The following POLR3E variants were observed in gnomAD, a reference collection of about 807,000 sequenced individuals.
POLR3E encodes the protein RNA polymerase III subunit E.
Under a neutral mutation model 96.6 loss-of-function variants are expected in POLR3E, and 41 were observed. The observed-to-expected ratio is 0.42, with a 90% CI of 0.33 to 0.55. The LOEUF is 0.55. Among genes scored for constraint, POLR3E ranks in the 20% least tolerant of loss-of-function variants. The pLI is 0.06. For missense variants in POLR3E, 849 were observed against 952.1 expected (o/e 0.89, Z 1.43); for synonymous variants, 396 against 383.6 (o/e 1.03, Z -0.38).
chr16:22,332,069 G>C lies in POLR3E; in HGVS notation c.1954G>C (p.Val652Leu). 6.2e-7 allele frequency: 1 copy of C among 1,613,496 alleles called. No individual in the cohort carries two copies. Among genetic ancestry groups the C allele is most frequent in the African/African-American group, 1.3e-5 (1 of 74,954 alleles). The part of the protein sequence containing the change: ...SGDMSDQHRQ[V>L]LLEIFSKNYR... ...GTTTTTGCTACTAAAGCATCGACAG[G>C]TTTTGCTTGAAATTTTTTCCAAAAA... is the stretch of plus-strand genomic sequence containing the variant. Residue 652 changes from valine to leucine, a missense_variant, in exon 20 of 21, where the codon GTT (valine) becomes CTT (leucine). Physicochemically the swap from Val to Leu is conservative, Grantham distance 32. Coordinates refer to ENST00000299853, the MANE Select transcript of POLR3E (RefSeq NM_018119.4).
At chr16:22,308,344 C>A in intron 4 of POLR3E, 119 bp downstream of exon 4, 1 of 792,626 alleles carries the variant, frequency 1.3e-6, no homozygotes, top group Non-Finnish European at 2.2e-6. Flanking sequence ...CAGCAACTCC[C>A]AGGCCCTTGA....
rs1459472307 is a variant in POLR3E at position 22,333,990 on chromosome 16, AG to A, written c.*291del. 1.6e-4 allele frequency: 57 copies of A among 365,512 alleles called. No homozygotes were observed. The highest frequency in any genetic ancestry group is 9.4e-4 in the African/African-American group (46 of 49,156). 22.6% of individuals were successfully genotyped at this position (365,512 alleles called of 1,614,324 possible). A position where few individuals can be genotyped will look rare whatever the true frequency, so the allele number is the denominator to read the frequency against. ...TTATTTGGTTTCATTCTCATAATAA[AG>A]AGAGTGTATACTGACATGGGCAGGA... is the stretch of plus-strand genomic sequence containing the variant. On this transcript the variant is annotated 3_prime_UTR_variant, in exon 21 of 21. Transcript: ENST00000299853.
rs369918633 is a variant in POLR3E at position 22,314,128 on chromosome 16, G to A, written c.522G>A (p.Thr174=). 3.7e-6 allele frequency: 6 copies of A among 1,613,530 alleles called. No individual in the cohort carries two copies. The highest frequency in any genetic ancestry group is 4.2e-6 in the Non-Finnish European group (5 of 1,179,580). ...DEAEDDVKQI[T]VRFSRPESEQ... is the part of the protein sequence containing the mutation. ...CGGAAGACGATGTTAAGCAGATCAC[G>A]GTGAGCCCTGGCCCCTGGAGGAGGA... Residue 174 remains threonine (T), a splice_region_variant and synonymous_variant, in exon 8 of 21, where the codon ACG becomes ACA. Coordinates refer to ENST00000299853, the MANE Select transcript of POLR3E (RefSeq NM_018119.4).
At chr16:22,311,702 C>G (rs2048250764) in intron 6 of POLR3E, among the ~76,000 whole-genome samples, 1 of 151,462 alleles carries the variant, frequency 6.6e-6, no homozygotes, top group Non-Finnish European at 1.5e-5. Flanking sequence ...TGCTATGTTG[C>G]CCAGGCTGGT....
intron 5 of POLR3E, 107 bp from the exon 6 acceptor site, chr16:22,309,321 C>A: frequency 1.1e-6 from 1 of 910,678 alleles, no homozygotes; most frequent in South Asian, 1.3e-5. Flanking sequence ...GCCTTGGTCC[C>A]TGGCTGTGGC....
chr16:22,316,456 G>A (rs765381567), intron 9 of POLR3E, 145 bp from the exon 10 acceptor site: 131 of 636,276 alleles, frequency 2.1e-4, no homozygotes, highest in Non-Finnish European at 3.2e-4. Context: ...CTGAGGCCAC[G>A]TCAGAGGCCT....
rs374950155 is a variant in POLR3E at position 22,306,415 on chromosome 16, C to T, written c.87+1209C>T. ...GGACTACAGGCACGCGCCACAAGCC[C>T]GGCTAATTTTTGTATTTTTAGTAGA... On this transcript the variant is annotated intron_variant, in intron 3 of 20. Coordinates refer to ENST00000299853, the MANE Select transcript of POLR3E (RefSeq NM_018119.4). Among the ~76,000 whole-genome samples the T allele has an allele frequency of 1.2e-4, 18 of 152,098 alleles. No individual in the cohort carries two copies. In the East Asian group the frequency reaches 1.5e-3, roughly 13 times the overall value.
chr16:22,330,930 T>G (rs142956368), intron 19 of POLR3E, among the ~76,000 whole-genome samples: 203 of 144,814 alleles, frequency 1.4e-3, no homozygotes, highest in African/African-American at 4.7e-3. Context: ...TTTTACGTGA[T>G]CAAATGATTT....
At chr16:22,317,358 G>A (rs944785022) in intron 12 of POLR3E, 152 bp downstream of exon 12, 24 of 643,550 alleles carry the variant, frequency 3.7e-5, no homozygotes, top group Non-Finnish European at 6.2e-5. Context: ...TGTCTGGAAA[G>A]ATAACGCAGG....
At chr16:22,309,398 C>T in intron 5 of POLR3E, 30 bp from the exon 6 acceptor site, 1 of 1,549,476 alleles carries the variant, frequency 6.5e-7, no homozygotes, top group Non-Finnish European at 8.9e-7. Context: ...GCTGCCTTCC[C>T]CTGTGACGTT....
At chr16:22,302,842 C>A in intron 1 of POLR3E, 89 bp from the exon 2 acceptor site, 2 of 882,752 alleles carry the variant, frequency 2.3e-6, no homozygotes, top group South Asian at 1.4e-5. Flanking sequence ...TGTGGGCTCC[C>A]CCTCCCAGTG....
chr16:22,304,891 C>G (rs1044467279), intron 2 of POLR3E, among the ~76,000 whole-genome samples: 1 of 152,118 alleles, frequency 6.6e-6, no homozygotes, highest in African/African-American at 2.4e-5. Flanking sequence ...AAGATGTGTG[C>G]TTACTGGGGG....
chr16:22,311,272 T>TTC (rs2141755915), intron 6 of POLR3E, among the ~76,000 whole-genome samples: 1 of 139,578 alleles, frequency 7.2e-6, no homozygotes, highest in Non-Finnish European at 1.5e-5. Flanking sequence ...CCCAGCCTTT[T>TTC]TTTTTTTTTT....
Position 22,334,710 on chromosome 16 carries a change from C to G in POLR3E, c.*1010C>G, listed in dbSNP as rs2048814238. 1 of 151,790 alleles carries G rather than the reference C, an allele frequency of 6.6e-6. No homozygotes were observed. The highest frequency in any genetic ancestry group is 2.1e-4 in the South Asian group (1 of 4,810). The allele number at this position is 151,790 out of a possible 1,614,324, so 9.4% of individuals were successfully genotyped here. ...CTGGCATTTTACACTTTCCTCAACA[C>G]TCAGTTTGGACTAGCCACATCATAA... On this transcript the variant is annotated 3_prime_UTR_variant, in exon 21 of 21. Transcript: ENST00000299853.
rs1208552821 is a variant in POLR3E at position 22,325,257 on chromosome 16, G to A, written c.1339G>A (p.Ala447Thr). 6.2e-7 allele frequency: 1 copy of A among 1,613,482 alleles called. No homozygotes were observed. The highest frequency in any genetic ancestry group is 2.2e-5 in the East Asian group (1 of 44,884). The part of the protein sequence containing the change: ...VKETMPKKPD[A>T]QSGPAGLVCG... ...GGAAACCATGCCAAAGAAGCCGGATGCACAATCAGGTGTGTGAGGGGCTTT... is the reference window on the plus strand; with the variant it reads ...GGAAACCATGCCAAAGAAGCCGGATACACAATCAGGTGTGTGAGGGGCTTT... Residue 447 changes from alanine to threonine, a missense_variant, in exon 17 of 21, where the codon GCA becomes ACA. Physicochemically the swap from Ala to Thr is moderately conservative, Grantham distance 58. Coordinates refer to ENST00000299853, the MANE Select transcript of POLR3E (RefSeq NM_018119.4).
intron 13 of POLR3E, among the ~76,000 whole-genome samples, chr16:22,319,180 G>T (rs1211759457): frequency 6.6e-6 from 1 of 151,138 alleles, no homozygotes; most frequent in Non-Finnish European, 1.5e-5. Context: ...CACCATGTTG[G>T]CCAGGCTGGT....
chr16:22,316,877 T>A (rs950765982), intron 10 of POLR3E, 118 bp from the exon 11 acceptor site: 28 of 729,154 alleles, frequency 3.8e-5, no homozygotes, highest in Non-Finnish European at 5.2e-5. Flanking sequence ...TCAGGGCTGC[T>A]GGGGGAGGGC....
At chr16:22,317,414 T>C (rs2048379610) in intron 12 of POLR3E, among the ~76,000 whole-genome samples, 1 of 152,224 alleles carries the variant, frequency 6.6e-6, no homozygotes, top group South Asian at 2.1e-4. Flanking sequence ...TTCCCGTGAA[T>C]GTAGGACAGT....
intron 4 of POLR3E, 90 bp from the exon 5 acceptor site, chr16:22,308,835 T>G: frequency 1.3e-6 from 1 of 795,112 alleles, no homozygotes; most frequent in Non-Finnish European, 2.1e-6. Context: ...AGGGTCCTGG[T>G]TAGGAGGTGG....
Sources: gnomAD v4.1 joint callset for allele counts (sites outside exome capture counted in the v4.1 genomes callset) on GRCh38, gnomAD v4.1.1 for gene constraint, MANE v1.5 for transcripts, NCBI Gene and HGNC (gene_info 2026-07-23, HGNC 2026-07-21) for gene names.